Variants in KCTD8 observed in about 807,000 individuals in gnomAD.
The protein encoded by KCTD8 is potassium channel tetramerization domain containing 8, also known as BTB/POZ domain-containing protein KCTD8.
KCTD8 carries 27 observed loss-of-function variants against 31.5 expected under a neutral mutation model. The ratio of observed to expected loss-of-function variants is 0.86; its 90% confidence interval spans 0.63 to 1.18. The LOEUF (loss-of-function observed/expected upper bound fraction) is 1.18. Ranked by LOEUF, KCTD8 falls within the 50% of genes most tolerant of loss-of-function variation. The pLI, the probability that KCTD8 is intolerant of heterozygous loss-of-function variation, is 0.00. For missense variants in KCTD8, 658 were observed against 647.7 expected, an observed-to-expected ratio of 1.02 and a Z score of -0.17; for synonymous variants, 290 against 280.0, an observed-to-expected ratio of 1.04 and a Z score of -0.36.
chr4:44,311,088 GAGTT>G (rs1717937613), intron 1 of KCTD8, among the ~76,000 whole-genome samples: 1 of 151,704 alleles, frequency 6.6e-6, no homozygotes, highest in Admixed American at 6.6e-5. Flanking sequence ...TTCTTCAAAA[GAGTT>G]AGGCCTTCAA....
chr4:44,379,476 A>C (rs985415702), intron 1 of KCTD8, among the ~76,000 whole-genome samples: 2 of 152,102 alleles, frequency 1.3e-5, no homozygotes, highest in African/African-American at 4.8e-5. Flanking sequence ...ATCCTGGCCA[A>C]GGAAGCTCTG....
intron 1 of KCTD8, among the ~76,000 whole-genome samples, chr4:44,425,452 G>C (rs1577666910): frequency 6.6e-6 from 1 of 151,890 alleles, no homozygotes; most frequent in Admixed American, 6.6e-5. Flanking sequence ...AAAATAAGGA[G>C]ATATTTCATT....
intron 1 of KCTD8, among the ~76,000 whole-genome samples, chr4:44,267,414 T>A (rs1387269111): frequency 6.6e-6 from 1 of 152,212 alleles, no homozygotes; most frequent in East Asian, 1.9e-4. Context: ...GGGAAATTTA[T>A]AGCACTAAAT....
intron 1 of KCTD8, among the ~76,000 whole-genome samples, chr4:44,285,059 T>G (rs1363572124): frequency 6.6e-6 from 1 of 152,162 alleles, no homozygotes; most frequent in African/African-American, 2.4e-5. Flanking sequence ...TGGAAGACAG[T>G]GTGGTGATTT....
At chr4:44,367,903 A>G (rs1241329411) in intron 1 of KCTD8, among the ~76,000 whole-genome samples, 1 of 149,058 alleles carries the variant, frequency 6.7e-6, no homozygotes, top group Non-Finnish European at 1.5e-5. Context: ...TCGACAGAGT[A>G]AAAAAAAAAC....
chr4:44,298,112 AT>A (rs1717491397), intron 1 of KCTD8, among the ~76,000 whole-genome samples: 1 of 152,150 alleles, frequency 6.6e-6, no homozygotes, highest in Non-Finnish European at 1.5e-5. Flanking sequence ...TAGAATGATA[AT>A]TGTAATGAAA....
At chr4:44,408,348 A>T (rs1720854804) in intron 1 of KCTD8, among the ~76,000 whole-genome samples, 1 of 152,222 alleles carries the variant, frequency 6.6e-6, no homozygotes, top group Non-Finnish European at 1.5e-5. Context: ...ATCGCTATTT[A>T]TTAAACAAAA....
chr4:44,396,444 A>C (rs1720506045), intron 1 of KCTD8, among the ~76,000 whole-genome samples: 1 of 147,318 alleles, frequency 6.8e-6, no homozygotes. Context: ...AGAACTACTC[A>C]AGGAAAGTTG....
At chr4:44,288,045 A>C (rs181531633) in intron 1 of KCTD8, among the ~76,000 whole-genome samples, 580 of 152,274 alleles carry the variant, frequency 3.8e-3, no homozygotes, top group Non-Finnish European at 6.9e-3. Flanking sequence ...CCTTTAGTTG[A>C]ACAGACATTA....
At chr4:44,240,884 T>A (rs1272704279) in intron 1 of KCTD8, among the ~76,000 whole-genome samples, 1 of 152,220 alleles carries the variant, frequency 6.6e-6, no homozygotes, top group African/African-American at 2.4e-5. Flanking sequence ...AAATGGGAAT[T>A]TCTGTTATCT....
intron 1 of KCTD8, among the ~76,000 whole-genome samples, chr4:44,269,974 T>G (rs956547030): frequency 6.6e-6 from 1 of 152,094 alleles, no homozygotes; most frequent in Non-Finnish European, 1.5e-5. Flanking sequence ...ATTGTGGAAG[T>G]CAGTGTGGTG....
At chr4:44,199,541 G>T (rs1409988881) in intron 1 of KCTD8, among the ~76,000 whole-genome samples, 2 of 152,058 alleles carry the variant, frequency 1.3e-5, no homozygotes, top group African/African-American at 2.4e-5. Context: ...TAATCAACTT[G>T]CTCCAGAATA....
intron 1 of KCTD8, among the ~76,000 whole-genome samples, chr4:44,321,208 A>G (rs180918006): frequency 6.6e-6 from 1 of 152,138 alleles, no homozygotes; most frequent in African/African-American, 2.4e-5. Context: ...CTTAAACCCT[A>G]TTTTAACTAT....
chr4:44,288,304 A>G (rs762086236), intron 1 of KCTD8, among the ~76,000 whole-genome samples: 1 of 152,172 alleles, frequency 6.6e-6, no homozygotes, highest in Non-Finnish European at 1.5e-5. Flanking sequence ...ATAGAAAGTC[A>G]TTGACAACTA....
intron 1 of KCTD8, among the ~76,000 whole-genome samples, chr4:44,239,175 C>T (rs1715377127): frequency 6.6e-6 from 1 of 152,112 alleles, no homozygotes; most frequent in Non-Finnish European, 1.5e-5. Flanking sequence ...ATCGAAAGCA[C>T]AATTCAAATC....
At chr4:44,277,886 T>C (rs1716796820) in intron 1 of KCTD8, among the ~76,000 whole-genome samples, 1 of 151,964 alleles carries the variant, frequency 6.6e-6, no homozygotes, top group African/African-American at 2.4e-5. Context: ...ACTACACTAC[T>C]ACATTCTTAA....
intron 1 of KCTD8, among the ~76,000 whole-genome samples, chr4:44,438,373 G>A (rs576575761): frequency 6.6e-6 from 1 of 152,254 alleles, no homozygotes; most frequent in Admixed American, 6.5e-5. Context: ...GTGACAATTT[G>A]TCATTTTGCA....
chr4:44,358,043 C>G (rs1180699802), intron 1 of KCTD8, among the ~76,000 whole-genome samples: 3 of 151,722 alleles, frequency 2.0e-5, no homozygotes, highest in Admixed American at 6.6e-5. Context: ...TGTTATCCCT[C>G]CCCTAGCCCC....
intron 1 of KCTD8, among the ~76,000 whole-genome samples, chr4:44,290,346 G>C (rs950126975): frequency 6.6e-6 from 1 of 152,002 alleles, no homozygotes; most frequent in South Asian, 2.1e-4. Context: ...AAAACACACA[G>C]ATAGCCACAC....
Sources: gnomAD v4.1 joint callset for allele counts (sites outside exome capture counted in the v4.1 genomes callset) on GRCh38, gnomAD v4.1.1 for gene constraint, MANE v1.5 for transcripts, NCBI Gene and HGNC (gene_info 2026-07-23, HGNC 2026-07-21) for gene names.